Variants in ZNF804B observed in about 807,000 individuals in gnomAD.
ZNF804B encodes zinc finger protein 804B.
ZNF804B carries 80 observed loss-of-function variants against 101.4 expected under a neutral mutation model. The observed-to-expected ratio is 0.79, with a 90% CI of 0.66 to 0.95. The LOEUF is 0.95. Ranked by LOEUF, ZNF804B falls within the 40% of genes least tolerant of loss-of-function variation. The pLI is 0.00. For synonymous variants in ZNF804B, 622 were observed against 558.8 expected, an observed-to-expected ratio of 1.11 and a Z score of -1.59; for missense variants, 1,673 against 1,561.9, an observed-to-expected ratio of 1.07 and a Z score of -1.20.
chr7:89,045,609 T>A (rs964703090), intron 1 of ZNF804B, among the ~76,000 whole-genome samples: 1 of 152,172 alleles, frequency 6.6e-6, no homozygotes, highest in Non-Finnish European at 1.5e-5. Flanking sequence ...TCCAAGGAGA[T>A]CATTTTGGAA....
intron 1 of ZNF804B, among the ~76,000 whole-genome samples, chr7:89,118,953 C>T (rs1346577781): frequency 6.6e-6 from 1 of 152,046 alleles, no homozygotes; most frequent in Non-Finnish European, 1.5e-5. Flanking sequence ...TCAACTGTGG[C>T]GAATTCTATT....
chr7:88,997,293 T>TGTAATGTGGTTG (rs1436169612), intron 1 of ZNF804B, among the ~76,000 whole-genome samples: 2 of 152,076 alleles, frequency 1.3e-5, no homozygotes, highest in East Asian at 3.9e-4. Context: ...ATCCAGACAA[T>TGTAATGTGGTTG]AAGGGATGTG....
chr7:88,805,456 A>G (rs1790669515), intron 1 of ZNF804B, among the ~76,000 whole-genome samples: 1 of 152,160 alleles, frequency 6.6e-6, no homozygotes, highest in Admixed American at 6.6e-5. Flanking sequence ...AAACCTTCCC[A>G]GCATCTATTA....
chr7:89,284,792 A>T (rs181528901), intron 2 of ZNF804B, among the ~76,000 whole-genome samples: 1 of 152,182 alleles, frequency 6.6e-6, no homozygotes, highest in Non-Finnish European at 1.5e-5. Flanking sequence ...ATGCTAACAA[A>T]GGATGGTGTG....
chr7:89,243,728 AG>A (rs1257341238), intron 2 of ZNF804B, among the ~76,000 whole-genome samples: 3 of 151,810 alleles, frequency 2.0e-5, no homozygotes, highest in Admixed American at 1.3e-4. Flanking sequence ...AAGATAAAGA[AG>A]GGGGAAAGTC....
In ZNF804B at chr7:89,227,023, G is replaced by T. The variant is rs372604912; in HGVS notation, c.249+8728G>T. Among the ~76,000 whole-genome samples, 3 of 152,214 alleles carry T rather than the reference G, an allele frequency of 2.0e-5. No individual in the cohort carries two copies. In the South Asian group the frequency reaches 6.2e-4, roughly 32 times the overall value. On this transcript the variant is annotated intron_variant, in intron 2 of 3. Transcript: ENST00000333190. ...TCCAATCCTGACAATTTGTTCATCA[G>T]GTCAGATGCATAGCTATTGTTCTAG...
intron 1 of ZNF804B, among the ~76,000 whole-genome samples, chr7:88,861,173 T>C (rs1296513482): frequency 6.6e-6 from 1 of 152,218 alleles, no homozygotes; most frequent in Non-Finnish European, 1.5e-5. Flanking sequence ...CTTGTCGTTA[T>C]GAGGATCCCA....
chr7:89,143,128 C>G (rs1377604128), intron 1 of ZNF804B, among the ~76,000 whole-genome samples: 1 of 151,736 alleles, frequency 6.6e-6, no homozygotes. Flanking sequence ...TTAAACTGTA[C>G]ATGTTTTTAC....
At chr7:89,242,640 ATAACT>A (rs918943979) in intron 2 of ZNF804B, among the ~76,000 whole-genome samples, 20 of 151,958 alleles carry the variant, frequency 1.3e-4, no homozygotes, top group Admixed American at 2.0e-4. Context: ...AAAAAAAAAG[ATAACT>A]TAAAATAATA....
rs771995659 is a variant in ZNF804B, at chr7:89,334,673, G to A, written c.1691G>A (p.Ser564Asn). 3.1e-6 allele frequency: 5 copies of A among 1,613,662 alleles called. No homozygotes were observed. The South Asian group carries it at 4.4e-5, about 14-fold the overall frequency. Residue 564 changes from serine to asparagine, a missense_variant, in exon 4 of 4, where the codon AGT (serine) becomes AAT (asparagine). Transcript: ENST00000333190. ...TACAGTGATTCTGAGCCAAATAAGA[G>A]TGAATATACTTTCAGTGCAAATGAT... The part of the protein sequence containing the change: ...LDYSDSEPNK[S>N]EYTFSANDLE...
intron 1 of ZNF804B, among the ~76,000 whole-genome samples, chr7:89,049,466 TATA>T (rs1289746113): frequency 2.6e-5 from 4 of 152,164 alleles, no homozygotes; most frequent in African/African-American, 4.8e-5. Context: ...TGAAATTGGT[TATA>T]ATGTGAATAC....
At chr7:88,764,015 GA>G (rs1789941951) in intron 1 of ZNF804B, among the ~76,000 whole-genome samples, 1 of 152,108 alleles carries the variant, frequency 6.6e-6, no homozygotes, top group South Asian at 2.1e-4. Flanking sequence ...ATAGTCTATA[GA>G]TTAATTCAGT....
At chr7:89,228,765 C>G (rs1166778828) in intron 2 of ZNF804B, among the ~76,000 whole-genome samples, 1 of 152,324 alleles carries the variant, frequency 6.6e-6, no homozygotes, top group East Asian at 1.9e-4. Flanking sequence ...ACCATGCGCC[C>G]ACACTCCTCA....
At chr7:88,972,614 T>C (rs1019152549) in intron 1 of ZNF804B, among the ~76,000 whole-genome samples, 4 of 151,292 alleles carry the variant, frequency 2.6e-5, no homozygotes, top group South Asian at 2.1e-4. Context: ...CAACATTCTA[T>C]TGAAAAATGG....
intron 1 of ZNF804B, among the ~76,000 whole-genome samples, chr7:88,863,147 C>G (rs1791675197): frequency 6.6e-6 from 1 of 152,152 alleles, no homozygotes; most frequent in Non-Finnish European, 1.5e-5. Flanking sequence ...TTTTCAAATC[C>G]TGGAATACAT....
At chr7:89,219,976 T>C (rs1259334518) in intron 2 of ZNF804B, among the ~76,000 whole-genome samples, 1 of 67,280 alleles carries the variant, frequency 1.5e-5, no homozygotes, top group Non-Finnish European at 3.2e-5. Context: ...TATATATGTA[T>C]ATACATATGT....
chr7:89,292,535 CA>C, intron 2 of ZNF804B, among the ~76,000 whole-genome samples: 1 of 151,810 alleles, frequency 6.6e-6, no homozygotes, highest in South Asian at 2.1e-4. Flanking sequence ...ATGGTAACTT[CA>C]AATCTACAAA....
At chr7:88,872,713 T>C (rs1386881332) in intron 1 of ZNF804B, among the ~76,000 whole-genome samples, 1 of 151,068 alleles carries the variant, frequency 6.6e-6, no homozygotes, top group East Asian at 2.0e-4. Flanking sequence ...AGTGAGAATA[T>C]GTGGCGTTTG....
chr7:88,843,596 G>A (rs1462344681), intron 1 of ZNF804B, among the ~76,000 whole-genome samples: 1 of 152,070 alleles, frequency 6.6e-6, no homozygotes, highest in African/African-American at 2.4e-5. Context: ...AATTAGCTGG[G>A]CATGGTGGCA....
Sources: allele counts gnomAD v4.1 joint callset (sites outside exome capture counted in the v4.1 genomes callset), GRCh38; gene constraint gnomAD v4.1.1; transcripts MANE v1.5; gene names NCBI Gene and HGNC (gene_info 2026-07-23, HGNC 2026-07-21).